The following ADAMTSL5 variants were observed in gnomAD, a reference collection of about 807,000 sequenced individuals.
The protein encoded by ADAMTSL5 is ADAMTS like 5.
A neutral mutation model predicts 51.7 loss-of-function variants in ADAMTSL5; 53 were observed. The ratio of observed to expected loss-of-function variants is 1.03; its 90% CI spans 0.82 to 1.29. The LOEUF is 1.29. Ranked by LOEUF, ADAMTSL5 falls within the 50% of genes most tolerant of loss-of-function variation. The probability of loss-of-function intolerance (pLI) is 0.00; values close to 1 mark genes in which losing one functional copy is unlikely to be tolerated. For missense variants in ADAMTSL5, 770 were observed against 676.2 expected, an observed-to-expected ratio of 1.14 and a Z score of -1.54; for synonymous variants, 285 against 278.7, an observed-to-expected ratio of 1.02 and a Z score of -0.23.
Position 1,506,637 on chromosome 19 carries a change from G to A in ADAMTSL5, c.1067C>T (p.Thr356Ile), listed in dbSNP as rs1599282274. ...APDPCPPCPD[T>I]RGRAHRLLHY... ...GAGTAGTCGGTGGGCGCGGCCGCGGGTGTCAGGGCAGGGTGGGCAGGGGTC... is the reference window on the plus strand; with the variant it reads ...GAGTAGTCGGTGGGCGCGGCCGCGGATGTCAGGGCAGGGTGGGCAGGGGTC... The change falls in exon 11 of 12, where the codon ACC (threonine) becomes ATC (isoleucine). Residue 356 changes from threonine to isoleucine, a missense_variant. Physicochemically the swap from Thr to Ile is moderately conservative, Grantham distance 89 (BLOSUM62 -1). Transcript: ENST00000330475. The surrounding 1 kb of genome is among the most constrained non-coding windows in gnomAD (Gnocchi z 5.6). The A allele has an allele frequency of 6.8e-6, 11 of 1,610,750 alleles. No individual in the cohort carries two copies. The East Asian group carries it at 2.2e-4, about 33-fold the overall frequency.
chr19:1,508,477 C>T lies in ADAMTSL5; in HGVS notation c.455G>A (p.Gly152Asp). The T allele has an allele frequency of 6.3e-7, 1 of 1,582,248 alleles. No individual in the cohort carries two copies. Among genetic ancestry groups the T allele is most frequent in the Non-Finnish European group, 8.5e-7 (1 of 1,170,918 alleles). The change falls in exon 6 of 12, where the codon GGT becomes GAT. Residue 152 changes from glycine to aspartate, a missense_variant. By Grantham distance (94) the Gly-to-Asp change is moderately conservative. Coordinates refer to ENST00000330475, the MANE Select transcript of ADAMTSL5 (RefSeq NM_213604.3). The stretch of plus-strand genomic sequence containing the variant: ...GCCAGCCACGCAGACCCCCTGGGCA[C>T]CCGGGCTGCAGGCGGTGCCGTCCAG... ...RVLDGTACSP[G>D]AQGVCVAGRC...
intron 5 of ADAMTSL5, 96 bp downstream of exon 5, chr19:1,510,054 C>A: frequency 1.0e-6 from 1 of 977,660 alleles, no homozygotes; most frequent in Non-Finnish European, 1.5e-6. Context: ...AGCACTAATA[C>A]CCTCTTCTCT....
chr19:1,507,664 G>C, intron 7 of ADAMTSL5, 21 bp from the exon 8 acceptor site: 2 of 1,608,042 alleles, frequency 1.2e-6, no homozygotes, highest in Non-Finnish European at 8.5e-7. Context: ...GGGTAGGAGG[G>C]TGTTGGGGTG....
intron 1 of ADAMTSL5, 41 bp downstream of exon 1, chr19:1,512,922 T>C (rs1201305805): frequency 1.3e-5 from 2 of 152,306 alleles, no homozygotes; most frequent in Non-Finnish European, 2.9e-5. Flanking sequence ...TGGGCCTCAG[T>C]TTCCCCCGGA....
rs1158132649 is a variant in ADAMTSL5 at position 1,506,744 on chromosome 19, GC to G, written c.1036del (p.Ala346ProfsTer82). On this transcript the variant is annotated frameshift_variant, in exon 10 of 12. Transcript: ENST00000330475. LOFTEE classifies it high-confidence loss of function. The surrounding 1 kb of genome is among the most constrained non-coding windows in gnomAD (Gnocchi z 5.6). ...CCTGGCTGTCCCCACCTCACCTGGG[GC>G]CAGCGTTGGGGTCTGTGCAGGGGTG... is the stretch of plus-strand genomic sequence containing the variant. ...AVTPAQTPTL[A>X]PDPCPPCPDT... 6.4e-7 allele frequency: 1 copy of G among 1,555,944 alleles called. No individual in the cohort carries two copies. The highest frequency in any genetic ancestry group is 1.4e-5 in the African/African-American group (1 of 73,798).
chr19:1,507,892 G>A lies in ADAMTSL5; in HGVS notation c.601+106C>T, dbSNP rs372901304. On this transcript the variant is annotated intron_variant, in intron 7 of 11. Transcript: ENST00000330475. ...CCAATCAGGATGAGGAGAAAGGGGG[G>A]CTGGGCCGCACACTGGCCAATCAGC... The A allele has an allele frequency of 5.5e-5, 70 of 1,271,674 alleles. 1 individual carries two copies. The African/African-American group carries it at 9.4e-4, about 17-fold the overall frequency. The allele number at this position is 1,271,674 out of a possible 1,614,324, so 78.8% of individuals were successfully genotyped here.
rs543301343 is a variant in ADAMTSL5, at chr19:1,506,074, G to A, written c.1357C>T (p.Pro453Ser). ...CGGCTGTCCTCCGCAGGGCTCCAGG[G>A]CCGGGCGTAGCCGGCGTGGGGCAGC... ...LLLPHAGYARPWSPAEDSRIR... is the reference protein window; with the variant it reads ...LLLPHAGYARSWSPAEDSRIR... Residue 453 changes from proline to serine, a missense_variant, in exon 12 of 12, where the codon CCC (proline) becomes TCC (serine). Coordinates refer to ENST00000330475, the MANE Select transcript of ADAMTSL5 (RefSeq NM_213604.3). The surrounding 1 kb of genome is among the most constrained non-coding windows in gnomAD (Gnocchi z 5.6). 1.0e-4 allele frequency: 166 copies of A among 1,596,930 alleles called. No homozygotes were observed. Among genetic ancestry groups the A allele is most frequent in the East Asian group, 2.2e-5 (1 of 44,486 alleles).
Position 1,506,915 on chromosome 19 carries a change from T to C in ADAMTSL5, c.866A>G (p.Glu289Gly). The change falls in exon 10 of 12, where the codon GAG (glutamate) becomes GGG (glycine). Residue 289 changes from glutamate to glycine, a missense_variant. By Grantham distance (98) the Glu-to-Gly change is moderately conservative. Transcript: ENST00000330475. The surrounding 1 kb of genome is among the most constrained non-coding windows in gnomAD (Gnocchi z 5.6). Reference protein sequence around the residue: ...HDLLLQVLLQEPNPGIEFEFW... With the variant: ...HDLLLQVLLQGPNPGIEFEFW... ...CTCAAACTCGATGCCAGGGTTGGGC[T>C]CCTGCAGGAGGACCTGGAGCAGGGG... 1 of 1,547,946 alleles carries C rather than the reference T, an allele frequency of 6.5e-7. No homozygotes were observed. The highest frequency in any genetic ancestry group is 8.7e-7 in the Non-Finnish European group (1 of 1,145,870).
chr19:1,512,206 C>G (rs778691126), intron 1 of ADAMTSL5, among the ~76,000 whole-genome samples: 35 of 152,322 alleles, frequency 2.3e-4, no homozygotes, highest in Non-Finnish European at 4.1e-4. Flanking sequence ...AGGCTGGGTC[C>G]CACCTGGACC....
rs577900269 is a variant in ADAMTSL5, at chr19:1,507,774, C to T, written c.602-131G>A. On this transcript the variant is annotated intron_variant, in intron 7 of 11. Transcript: ENST00000330475. ...TGGGAACCGGAAAACCCTCCGTAAA[C>T]GTTTGGAGTTACAATTACTATTGCT... The T allele has an allele frequency of 1.9e-5, 20 of 1,047,582 alleles. No individual in the cohort carries two copies. In the African/African-American group the frequency reaches 2.8e-4, roughly 15 times the overall value. The allele number at this position is 1,047,582 out of a possible 1,614,324, so 64.9% of individuals were successfully genotyped here.
rs1344461899 is a variant in ADAMTSL5 at position 1,505,369 on chromosome 19, G to C, written c.*646C>G. 7.3e-6 allele frequency: 1 copy of C among 137,908 alleles called. No individual in the cohort carries two copies. Among genetic ancestry groups the C allele is most frequent in the Admixed American group, 7.4e-5 (1 of 13,578 alleles). The allele number at this position is 137,908 out of a possible 1,614,324, so 8.5% of individuals were successfully genotyped here. A position where few individuals can be genotyped will look rare whatever the true frequency, so the allele number is the denominator to read the frequency against. ...GGTGACAGAGCAAGGGTCTACCTCA[G>C]AAAAAAAAAAAAAGGAGGAGCAAGC... On this transcript the variant is annotated 3_prime_UTR_variant, in exon 12 of 12. Transcript: ENST00000330475.
chr19:1,508,489 G>A lies in ADAMTSL5; in HGVS notation c.443C>T (p.Ala148Val). 2 of 1,586,690 alleles carry A rather than the reference G, an allele frequency of 1.3e-6. No individual in the cohort carries two copies. The highest frequency in any genetic ancestry group is 1.7e-6 in the Non-Finnish European group (2 of 1,173,182). ...GACCCCCTGGGCACCCGGGCTGCAG[G>A]CGGTGCCGTCCAGGACGCGGCCGAA... ...HSFGRVLDGTACSPGAQGVCV... is the reference protein window; with the variant it reads ...HSFGRVLDGTVCSPGAQGVCV... Residue 148 changes from alanine (A) to valine (V), a missense_variant, in exon 6 of 12, where the codon GCC (alanine) becomes GTC (valine). Ala to Val is a moderately conservative substitution (Grantham distance 64). Coordinates refer to ENST00000330475, the MANE Select transcript of ADAMTSL5 (RefSeq NM_213604.3).
Position 1,507,257 on chromosome 19 carries a change from A to G in ADAMTSL5, c.837T>C (p.His279=). The G allele has an allele frequency of 6.5e-7, 1 of 1,546,872 alleles. No homozygotes were observed. Among genetic ancestry groups the G allele is most frequent in the South Asian group, 1.3e-5 (1 of 79,660 alleles). ...CCAGTGGCACCTGTAGGAGCAGGTCATGGGAGGTGGGCCCGGCTGCTTGCA... is the reference window on the plus strand; with the variant it reads ...CCAGTGGCACCTGTAGGAGCAGGTCGTGGGAGGTGGGCCCGGCTGCTTGCA... ...ETLQAAGPTS[H]DLLLQVLLQE... is the part of the protein sequence containing the mutation. The change falls in exon 9 of 12, where the codon CAT becomes CAC. Residue 279 remains histidine (H), a synonymous_variant. Transcript: ENST00000330475.
At chr19:1,511,329 C>T (rs960588138) in intron 1 of ADAMTSL5, among the ~76,000 whole-genome samples, 169 bp from the exon 2 acceptor site, 9 of 152,222 alleles carry the variant, frequency 5.9e-5, no homozygotes, top group Non-Finnish European at 8.8e-5. Flanking sequence ...CCTGCCACCA[C>T]GCCGGACTAA....
Position 1,510,633 on chromosome 19 carries a change from G to C in ADAMTSL5, c.191+6C>G, listed in dbSNP as rs1405442254. ...GGGGCAGGGACCCCCTCCGGGCCCC[G>C]CTCACCGGAGGCAGCGCCGGCTGCG... On this transcript the variant is annotated splice_donor_region_variant and intron_variant, in intron 3 of 11. Transcript: ENST00000330475. 6 of 1,532,280 alleles carry C rather than the reference G, an allele frequency of 3.9e-6. No individual in the cohort carries two copies. The highest frequency in any genetic ancestry group is 5.3e-6 in the Non-Finnish European group (6 of 1,138,544). 94.9% of individuals were successfully genotyped at this position (1,532,280 alleles called of 1,614,324 possible). A position where few individuals can be genotyped will look rare whatever the true frequency, so the allele number is the denominator to read the frequency against.
intron 1 of ADAMTSL5, among the ~76,000 whole-genome samples, chr19:1,511,929 C>T (rs1044702307): frequency 2.6e-5 from 4 of 152,178 alleles, no homozygotes; most frequent in Non-Finnish European, 5.9e-5. Flanking sequence ...TGGGACTGAG[C>T]TCCGGGGCAG....
chr19:1,510,465 AC>A lies in ADAMTSL5; in HGVS notation c.192-38del, dbSNP rs781555863. ...CAGAGTGTGGCGAGAACCCCCAGGG[AC>A]CCCCTCCCAGGGCTGGCCTTCCACC... On this transcript the variant is annotated intron_variant, in intron 3 of 11. Transcript: ENST00000330475. 5.7e-6 allele frequency: 9 copies of A among 1,572,468 alleles called. No homozygotes were observed. In the African/African-American group the frequency reaches 1.2e-4, roughly 21 times the overall value.
chr19:1,508,144 G>C (rs1913057210), intron 6 of ADAMTSL5, 35 bp from the exon 7 acceptor site: 2 of 1,571,648 alleles, frequency 1.3e-6, no homozygotes, highest in Non-Finnish European at 1.7e-6. Context: ...CGTCACTGAC[G>C]CTGGGAGGGG....
Position 1,506,465 on chromosome 19 carries a change from GA to G in ADAMTSL5, c.1114+124del. 1 of 1,456,282 alleles carries G rather than the reference GA, an allele frequency of 6.9e-7. No individual in the cohort carries two copies. Among genetic ancestry groups the G allele is most frequent in the Middle Eastern group, 1.8e-4 (1 of 5,628 alleles). 90.2% of individuals were successfully genotyped at this position (1,456,282 alleles called of 1,614,324 possible). A position where few individuals can be genotyped will look rare whatever the true frequency, so the allele number is the denominator to read the frequency against. On this transcript the variant is annotated intron_variant, in intron 11 of 11. Coordinates refer to ENST00000330475, the MANE Select transcript of ADAMTSL5 (RefSeq NM_213604.3). The surrounding 1 kb of genome is among the most constrained non-coding windows in gnomAD (Gnocchi z 5.6). Reference sequence around the variant, plus strand: ...AGGATCACGTCAGGGATCAATGAGGGATTAGGGTCAAGAGGCAAATTAGGAT... The same window carrying G: ...AGGATCACGTCAGGGATCAATGAGGGTTAGGGTCAAGAGGCAAATTAGGAT...
Sources: gnomAD v4.1 joint callset for allele counts (sites outside exome capture counted in the v4.1 genomes callset) on GRCh38, gnomAD v4.1.1 for gene constraint, Gnocchi (gnomAD v3.1) non-coding constraint, MANE v1.5 for transcripts, NCBI Gene and HGNC (gene_info 2026-07-23, HGNC 2026-07-21) for gene names.